CNTN4: variants seen among roughly 807,000 people sequenced by gnomAD.
The protein encoded by CNTN4 is contactin 4.
Under a neutral mutation model 122.5 loss-of-function variants are expected in CNTN4, and 77 were observed. The ratio of observed to expected loss-of-function variants is 0.63; its 90% confidence interval spans 0.52 to 0.76. CNTN4 has a LOEUF of 0.76. Among genes scored for constraint, CNTN4 ranks in the 30% least tolerant of loss-of-function variants. The pLI, the probability that CNTN4 is intolerant of heterozygous loss-of-function variation, is 0.00. For missense variants in CNTN4, 1,256 were observed against 1,259.1 expected (o/e 1.00, Z 0.04); for synonymous variants, 512 against 447.0 (o/e 1.15, Z -1.83).
chr3:2,983,917 C>A (rs1052019976), intron 13 of CNTN4, among the ~76,000 whole-genome samples: 7 of 152,124 alleles, frequency 4.6e-5, no homozygotes, highest in Non-Finnish European at 1.0e-4. Context: ...GAAAATTACC[C>A]CTTCTACAAA....
chr3:2,356,425 C>T (rs1347555693), intron 3 of CNTN4, among the ~76,000 whole-genome samples: 1 of 152,138 alleles, frequency 6.6e-6, no homozygotes, highest in African/African-American at 2.4e-5. Context: ...TATAGGGTAA[C>T]TTCCTGATGC....
At chr3:2,619,752 G>A (rs1271846828) in intron 4 of CNTN4, among the ~76,000 whole-genome samples, 1 of 152,168 alleles carries the variant, frequency 6.6e-6, no homozygotes, top group Non-Finnish European at 1.5e-5. Flanking sequence ...TCCTTGAAAT[G>A]TTTTTTGTAC....
chr3:2,451,282 C>T (rs1181005206), intron 3 of CNTN4, among the ~76,000 whole-genome samples: 2 of 151,910 alleles, frequency 1.3e-5, no homozygotes, highest in Non-Finnish European at 1.5e-5. Context: ...ACATTACTAG[C>T]ACTCTAAAAT....
chr3:3,034,632 G>C lies in CNTN4; in HGVS notation c.1784G>C (p.Gly595Ala). The C allele has an allele frequency of 6.2e-7, 1 of 1,613,974 alleles. No homozygotes were observed. The highest frequency in any genetic ancestry group is 2.2e-5 in the East Asian group (1 of 44,872). The change falls in exon 17 of 25, where the codon GGT (glycine) becomes GCT (alanine). Residue 595 changes from glycine to alanine, a missense_variant and splice_region_variant. Gly to Ala is a moderately conservative substitution (Grantham distance 60). Coordinates refer to ENST00000418658, the MANE Select transcript of CNTN4 (RefSeq NM_175607.3). The part of the protein sequence containing the change: ...LSAAADLIVR[G>A]PPGPPEAVTI... Reference sequence around the variant, plus strand: ...TTCTGGGGGTCTTGCTCTTTCCCAGGTCCTCCAGGTCCCCCAGAGGCTGTG... The same window carrying C: ...TTCTGGGGGTCTTGCTCTTTCCCAGCTCCTCCAGGTCCCCCAGAGGCTGTG...
intron 4 of CNTN4, among the ~76,000 whole-genome samples, chr3:2,623,795 T>G (rs750274724): frequency 7.2e-5 from 11 of 152,122 alleles, no homozygotes; most frequent in Non-Finnish European, 1.5e-4. Flanking sequence ...GAGTGTCCCC[T>G]GACTAGGAAA....
At chr3:2,626,081 T>G (rs528266306) in intron 4 of CNTN4, among the ~76,000 whole-genome samples, 1 of 152,290 alleles carries the variant, frequency 6.6e-6, no homozygotes, top group South Asian at 2.1e-4. Context: ...GGCACTATCT[T>G]TTGCCAGTTC....
chr3:2,447,712 A>G (rs1037897095), intron 3 of CNTN4, among the ~76,000 whole-genome samples: 11 of 152,158 alleles, frequency 7.2e-5, no homozygotes, highest in Non-Finnish European at 2.9e-5. Flanking sequence ...TTATATGTTC[A>G]TATACTCAGT....
intron 4 of CNTN4, among the ~76,000 whole-genome samples, chr3:2,632,194 C>G (rs550934085): frequency 2.0e-5 from 3 of 152,120 alleles, no homozygotes; most frequent in Non-Finnish European, 2.9e-5. Context: ...TTTAATTCCC[C>G]TAGTGCTCAT....
At chr3:2,585,603 A>G (rs2080157993) in intron 4 of CNTN4, among the ~76,000 whole-genome samples, 1 of 148,562 alleles carries the variant, frequency 6.7e-6, no homozygotes, top group African/African-American at 2.5e-5. Flanking sequence ...AAAACCAAAC[A>G]CTGCATGTTC....
chr3:3,035,707 C>A (rs1257061526), intron 17 of CNTN4, among the ~76,000 whole-genome samples: 1 of 152,118 alleles, frequency 6.6e-6, no homozygotes, highest in Non-Finnish European at 1.5e-5. Context: ...CAGGCGCAGG[C>A]CCCCACACCC....
chr3:2,981,430 C>G (rs541172224), intron 13 of CNTN4, among the ~76,000 whole-genome samples: 300 of 151,984 alleles, frequency 2.0e-3, no homozygotes, highest in South Asian at 4.8e-3. Context: ...GGCGACAGAG[C>G]GAGACTCCGT....
rs567540271 is a variant in CNTN4 at position 2,900,048 on chromosome 3, G to A, written c.941-637G>A. On this transcript the variant is annotated intron_variant, in intron 10 of 24. Transcript: ENST00000418658. Reference sequence around the variant, plus strand: ...TTATTTTCCTCAAAAATGGCAGGTGGATGTGGAGCTGCTTTGCTCCACACA... The same window carrying A: ...TTATTTTCCTCAAAAATGGCAGGTGAATGTGGAGCTGCTTTGCTCCACACA... Among the ~76,000 whole-genome samples, 223 of 152,252 alleles carry A rather than the reference G, an allele frequency of 1.5e-3. 1 individual carries two copies. Among genetic ancestry groups the A allele is most frequent in the African/African-American group, 4.8e-3 (200 of 41,544 alleles).
intron 2 of CNTN4, among the ~76,000 whole-genome samples, chr3:2,257,827 G>T (rs1216430699): frequency 1.3e-5 from 2 of 152,118 alleles, no homozygotes; most frequent in Non-Finnish European, 2.9e-5. Flanking sequence ...ACCTTGGGAG[G>T]CCGAGGTGGG....
At chr3:2,246,311 C>G (rs892947450) in intron 2 of CNTN4, among the ~76,000 whole-genome samples, 4 of 152,002 alleles carry the variant, frequency 2.6e-5, no homozygotes, top group South Asian at 2.1e-4. Flanking sequence ...AGCAAATTGT[C>G]ATCAAGGCAA....
At chr3:2,669,899 A>G (rs939005315) in intron 4 of CNTN4, among the ~76,000 whole-genome samples, 5 of 152,162 alleles carry the variant, frequency 3.3e-5, no homozygotes, top group Non-Finnish European at 5.9e-5. Context: ...GTAGTTGAGC[A>G]GTTTTGAGTG....
intron 3 of CNTN4, among the ~76,000 whole-genome samples, chr3:2,500,873 T>G (rs1425938961): frequency 2.6e-5 from 4 of 152,172 alleles, no homozygotes; most frequent in Non-Finnish European, 2.9e-5. Context: ...TTTGTCAAGA[T>G]AAGGAACATT....
chr3:3,041,876 C>T (rs1339612336), intron 20 of CNTN4, among the ~76,000 whole-genome samples: 1 of 152,156 alleles, frequency 6.6e-6, no homozygotes, highest in Non-Finnish European at 1.5e-5. Context: ...GGGAGGATGG[C>T]TTGAGCTCAG....
At position 2,715,863 on chromosome 3, in the gene CNTN4, A is replaced by G. The variant is rs114730068; in HGVS notation, c.56-20352A>G. Among the ~76,000 whole-genome samples the G allele has an allele frequency of 4.2e-3, 634 of 152,338 alleles. 7 individuals are homozygous for G. The highest frequency in any genetic ancestry group is 0.015 in the African/African-American group (612 of 41,574). The stretch of plus-strand genomic sequence containing the variant: ...CCTTAATTACTTCCTTACTTTAGAT[A>G]TAGGCATACTGGGGGTCAGGATAGC... On this transcript the variant is annotated intron_variant, in intron 4 of 24. Coordinates refer to ENST00000418658, the MANE Select transcript of CNTN4 (RefSeq NM_175607.3).
In CNTN4 at chr3:2,650,535, G is replaced by A. The variant is rs564279492; in HGVS notation, c.55+78977G>A. ...TGCGGATAAAATCCCAGCATTACCT[G>A]CTGAGGAAGTCTGTCATGAACGGAA... On this transcript the variant is annotated intron_variant, in intron 4 of 24. Coordinates refer to ENST00000418658, the MANE Select transcript of CNTN4 (RefSeq NM_175607.3). 5.3e-5 allele frequency among the ~76,000 whole-genome samples: 8 copies of A among 152,262 alleles called. No individual in the cohort carries two copies. In the South Asian group the frequency reaches 1.2e-3, roughly 24 times the overall value.
Sources: gnomAD v4.1 joint callset for allele counts (sites outside exome capture counted in the v4.1 genomes callset) on GRCh38, gnomAD v4.1.1 for gene constraint, MANE v1.5 for transcripts, NCBI Gene and HGNC (gene_info 2026-07-23, HGNC 2026-07-21) for gene names.